The following CHCHD3 variants were observed in gnomAD, a reference collection of about 807,000 sequenced individuals.
The protein encoded by CHCHD3 is MICOS complex subunit MIC19.
In CHCHD3, 20 loss-of-function variants were observed where a neutral mutation model predicts 38.2. The observed-to-expected ratio is 0.52, with a 90% CI of 0.37 to 0.76. The LOEUF (loss-of-function observed/expected upper bound fraction) is 0.76, where lower values mean the gene tolerates loss of function less well. Ranked by LOEUF, CHCHD3 falls within the 30% of genes least tolerant of loss-of-function variation. The pLI is 0.00. For synonymous variants in CHCHD3, 82 were observed against 100.0 expected, an observed-to-expected ratio of 0.82 and a Z score of 1.07; for missense variants, 245 against 279.2, an observed-to-expected ratio of 0.88 and a Z score of 0.87.
At chr7:133,068,470 G>A (rs1584685369) in intron 2 of CHCHD3, among the ~76,000 whole-genome samples, 1 of 152,194 alleles carries the variant, frequency 6.6e-6, no homozygotes, top group East Asian at 1.9e-4. Context: ...CATGATATAT[G>A]ATGGAAGCCC....
chr7:132,955,153 G>C (rs1305966956), intron 4 of CHCHD3, among the ~76,000 whole-genome samples: 1 of 120,984 alleles, frequency 8.3e-6, no homozygotes, highest in African/African-American at 3.1e-5. Flanking sequence ...AAGGTAGAAA[G>C]GAGGCTTTTT....
intron 6 of CHCHD3, among the ~76,000 whole-genome samples, chr7:132,825,836 C>A (rs1223932122): frequency 6.6e-6 from 1 of 152,194 alleles, no homozygotes; most frequent in South Asian, 2.1e-4. Flanking sequence ...AACATGGTAA[C>A]AGATCAAGGA....
At chr7:132,907,452 G>A (rs1196086382) in intron 4 of CHCHD3, among the ~76,000 whole-genome samples, 1 of 152,198 alleles carries the variant, frequency 6.6e-6, no homozygotes, top group Non-Finnish European at 1.5e-5. Context: ...GAACTTGAAA[G>A]CCAGATGAGT....
intron 4 of CHCHD3, among the ~76,000 whole-genome samples, chr7:132,904,548 C>T (rs1809749003): frequency 6.6e-6 from 1 of 152,186 alleles, no homozygotes; most frequent in Non-Finnish European, 1.5e-5. Flanking sequence ...GAGATACCAT[C>T]TCACACCAGT....
chr7:133,082,053 GC>G lies in CHCHD3; in HGVS notation c.-117del. 1.1e-6 allele frequency: 1 copy of G among 934,798 alleles called. No homozygotes were observed. Among genetic ancestry groups the G allele is most frequent in the Non-Finnish European group, 1.6e-6 (1 of 641,744 alleles). The allele number at this position is 934,798 out of a possible 1,614,324, so 57.9% of individuals were successfully genotyped here. A position where few individuals can be genotyped will look rare whatever the true frequency, so the allele number is the denominator to read the frequency against. On this transcript the variant is annotated 5_prime_UTR_variant, in exon 1 of 8. Transcript: ENST00000262570. Reference sequence around the variant, plus strand: ...TCTTTTCCCGCACAGCGGGAGCAAGGCCACGACCCCCAGAAGCAAGGAGAAG... The same window carrying G: ...TCTTTTCCCGCACAGCGGGAGCAAGGCACGACCCCCAGAAGCAAGGAGAAG...
At chr7:132,973,473 GTCTT>G in intron 4 of CHCHD3, 1 of 985,472 alleles carries the variant, frequency 1.0e-6, no homozygotes, top group Non-Finnish European at 1.2e-6. Flanking sequence ...AAAACTTACT[GTCTT>G]TAATTCTGAA....
At chr7:132,848,301 T>C (rs1306992219) in intron 5 of CHCHD3, among the ~76,000 whole-genome samples, 1 of 152,168 alleles carries the variant, frequency 6.6e-6, no homozygotes, top group African/African-American at 2.4e-5. Flanking sequence ...AAGTCTTAAT[T>C]ATAGTTTTTG....
intron 5 of CHCHD3, among the ~76,000 whole-genome samples, chr7:132,884,683 C>T (rs1809159585): frequency 6.6e-6 from 1 of 152,172 alleles, no homozygotes; most frequent in Non-Finnish European, 1.5e-5. Context: ...AGAGAGCTTA[C>T]TCTGCAACCT....
At chr7:132,917,407 C>G (rs933122183) in intron 4 of CHCHD3, among the ~76,000 whole-genome samples, 2 of 152,200 alleles carry the variant, frequency 1.3e-5, no homozygotes, top group African/African-American at 4.8e-5. Flanking sequence ...ACCCTCTCCT[C>G]TTTTAACTAA....
intron 4 of CHCHD3, among the ~76,000 whole-genome samples, chr7:132,892,064 T>G (rs1328677600): frequency 1.3e-5 from 2 of 152,194 alleles, no homozygotes; most frequent in African/African-American, 4.8e-5. Flanking sequence ...AGTTAACTGG[T>G]ACCAAGGTAG....
intron 4 of CHCHD3, among the ~76,000 whole-genome samples, chr7:132,958,639 C>T (rs887838368): frequency 6.6e-6 from 1 of 152,162 alleles, no homozygotes; most frequent in Non-Finnish European, 1.5e-5. Context: ...ATTGGCACAT[C>T]TTTTCCTTAG....
At chr7:132,952,366 C>T (rs185517998) in intron 4 of CHCHD3, among the ~76,000 whole-genome samples, 3 of 152,264 alleles carry the variant, frequency 2.0e-5, no homozygotes, top group African/African-American at 2.4e-5. Flanking sequence ...TTGAGCCTCT[C>T]GATGCTAGAA....
At chr7:133,063,672 G>C (rs1814586162) in intron 2 of CHCHD3, among the ~76,000 whole-genome samples, 2 of 152,104 alleles carry the variant, frequency 1.3e-5, no homozygotes, top group Admixed American at 6.5e-5. Flanking sequence ...ATATCAATAA[G>C]AAAACCAGCA....
intron 2 of CHCHD3, among the ~76,000 whole-genome samples, chr7:133,026,213 T>C (rs765218546): frequency 7.9e-5 from 12 of 152,134 alleles, no homozygotes; most frequent in Admixed American, 2.6e-4. Context: ...TCAATTAAAA[T>C]GGGCAAAGGC....
At chr7:133,034,123 A>G (rs184244080) in intron 2 of CHCHD3, among the ~76,000 whole-genome samples, 34 of 152,366 alleles carry the variant, frequency 2.2e-4, no homozygotes, top group Middle Eastern at 6.8e-3. Context: ...CATCAAAATT[A>G]TCTACACAGG....
intron 4 of CHCHD3, among the ~76,000 whole-genome samples, chr7:132,913,886 G>A (rs546903244): frequency 2.6e-5 from 4 of 152,080 alleles, no homozygotes; most frequent in Middle Eastern, 3.4e-3. Flanking sequence ...TGGGTGCTTC[G>A]GAGCCAGGTA....
At chr7:132,921,572 G>A (rs1259021359) in intron 4 of CHCHD3, among the ~76,000 whole-genome samples, 1 of 152,026 alleles carries the variant, frequency 6.6e-6, no homozygotes, top group Non-Finnish European at 1.5e-5. Context: ...TAAATATACT[G>A]AAATAAAGAA....
chr7:132,969,035 C>T (rs1310864213), intron 4 of CHCHD3, among the ~76,000 whole-genome samples: 1 of 152,052 alleles, frequency 6.6e-6, no homozygotes, highest in East Asian at 1.9e-4. Flanking sequence ...TTCTTGATTG[C>T]TTCACTGGTG....
At chr7:132,800,694 T>C (rs1806767271) in intron 6 of CHCHD3, among the ~76,000 whole-genome samples, 1 of 152,080 alleles carries the variant, frequency 6.6e-6, no homozygotes, top group South Asian at 2.1e-4. Context: ...AGTCTAGGCA[T>C]GCAAAGAAAG....
Sources: gnomAD v4.1 joint callset for allele counts (sites outside exome capture counted in the v4.1 genomes callset) on GRCh38, gnomAD v4.1.1 for gene constraint, MANE v1.5 for transcripts, NCBI Gene and HGNC (gene_info 2026-07-23, HGNC 2026-07-21) for gene names.